ZCCHC17: variants seen among roughly 807,000 people sequenced by gnomAD.
ZCCHC17 encodes zinc finger CCHC-type containing 17.
Under a neutral mutation model 30.6 loss-of-function variants are expected in ZCCHC17, and 18 were observed. That is an observed-to-expected ratio of 0.59 (90% CI 0.41 to 0.87). The LOEUF (loss-of-function observed/expected upper bound fraction) is 0.87. Ranked by LOEUF, ZCCHC17 falls within the 40% of genes least tolerant of loss-of-function variation. The pLI, the probability that ZCCHC17 is intolerant of heterozygous loss-of-function variation, is 0.00. For missense variants in ZCCHC17, 263 were observed against 284.2 expected (o/e 0.93, Z 0.54); for synonymous variants, 88 against 92.4 (o/e 0.95, Z 0.27).
chr1:31,355,782 GT>G (rs932675804), intron 7 of ZCCHC17, among the ~76,000 whole-genome samples: 4 of 152,146 alleles, frequency 2.6e-5, no homozygotes, highest in Admixed American at 6.5e-5. Context: ...ATCATGTGAT[GT>G]TATCTATTGA....
Position 31,364,666 on chromosome 1 carries a change from G to A in ZCCHC17, c.*473G>A, listed in dbSNP as rs776012243. The A allele has an allele frequency of 3.1e-4, 48 of 156,274 alleles. No individual in the cohort carries two copies. Among genetic ancestry groups the A allele is most frequent in the Non-Finnish European group, 5.8e-4 (41 of 70,246 alleles). 9.7% of individuals were successfully genotyped at this position (156,274 alleles called of 1,614,324 possible). ...ACATGGGAGCAGAGACTGGCAGCAGGAGGGGGGAACATGGTGAGAAGTGGT... is the reference window on the plus strand; with the variant it reads ...ACATGGGAGCAGAGACTGGCAGCAGAAGGGGGGAACATGGTGAGAAGTGGT... On this transcript the variant is annotated 3_prime_UTR_variant, in exon 8 of 8. Coordinates refer to ENST00000344147, the MANE Select transcript of ZCCHC17 (RefSeq NM_016505.4).
intron 1 of ZCCHC17, among the ~76,000 whole-genome samples, chr1:31,308,974 C>G (rs915261899): frequency 6.6e-6 from 1 of 152,142 alleles, no homozygotes; most frequent in African/African-American, 2.4e-5. Flanking sequence ...AAAACCACTT[C>G]TACATATAAA....
chr1:31,348,108 A>T (rs1639341122), intron 6 of ZCCHC17, among the ~76,000 whole-genome samples: 1 of 152,170 alleles, frequency 6.6e-6, no homozygotes, highest in South Asian at 2.1e-4. Context: ...AAGAATAATG[A>T]GAGGTGGAAT....
Position 31,339,031 on chromosome 1 carries a change from C to A in ZCCHC17, c.300C>A (p.Pro100=). The A allele has an allele frequency of 6.2e-7, 1 of 1,609,682 alleles. No individual in the cohort carries two copies. The highest frequency in any genetic ancestry group is 1.1e-5 in the South Asian group (1 of 89,972). Residue 100 remains proline, a synonymous_variant, in exon 5 of 8, where the codon CCC becomes CCA. Transcript: ENST00000344147. ...AAGGGACTGGGAAAGACCTTGATCC[C>A]AACAATGTTATCATTGAGTAAGTAA... is the stretch of plus-strand genomic sequence containing the variant. The part of the protein sequence containing the change: ...VNQGTGKDLD[P]NNVIIEQEER...
rs556575001 is a variant in ZCCHC17 at position 31,324,986 on chromosome 1, A to T, written c.124+5820A>T. Among the ~76,000 whole-genome samples the T allele has an allele frequency of 1.4e-3, 209 of 152,226 alleles. 1 individual carries two copies. Among genetic ancestry groups the T allele is most frequent in the African/African-American group, 4.0e-3 (165 of 41,546 alleles). ...GTGCTTTTCCTGGGCCTGCCCATGG[A>T]CCAGTCAGCACACACTTCTGAAGAC... On this transcript the variant is annotated intron_variant, in intron 3 of 7. Coordinates refer to ENST00000344147, the MANE Select transcript of ZCCHC17 (RefSeq NM_016505.4).
intron 5 of ZCCHC17, among the ~76,000 whole-genome samples, chr1:31,346,238 A>G (rs946721098): frequency 1.3e-5 from 2 of 152,162 alleles, no homozygotes; most frequent in African/African-American, 4.8e-5. Context: ...GCCAGAGCAT[A>G]TTGTGTGAGT....
Position 31,337,255 on chromosome 1 carries a change from G to A in ZCCHC17, c.205G>A (p.Val69Met). ...AGTAGATGTTGGAGATAAAGTGTGG[G>A]TGAAGCTTATTGGCCGAGAGGTAAA... is the stretch of plus-strand genomic sequence containing the variant. ...EIVDVGDKVW[V>M]KLIGREMKND... Residue 69 changes from valine (V) to methionine (M), a missense_variant, in exon 4 of 8, where the codon GTG (valine) becomes ATG (methionine). Coordinates refer to ENST00000344147, the MANE Select transcript of ZCCHC17 (RefSeq NM_016505.4). 1 of 1,614,100 alleles carries A rather than the reference G, an allele frequency of 6.2e-7. No individual in the cohort carries two copies.
chr1:31,337,587 A>G (rs942164127), intron 4 of ZCCHC17, among the ~76,000 whole-genome samples: 1 of 152,250 alleles, frequency 6.6e-6, no homozygotes, highest in Non-Finnish European at 1.5e-5. Context: ...AAGTTGACCT[A>G]TGGGACAAGT....
intron 5 of ZCCHC17, among the ~76,000 whole-genome samples, chr1:31,344,898 T>C (rs896682265): frequency 6.4e-5 from 8 of 124,546 alleles, no homozygotes; most frequent in Admixed American, 1.7e-4. Flanking sequence ...TCTTGCTCTG[T>C]CACCCAGGCT....
intron 1 of ZCCHC17, among the ~76,000 whole-genome samples, chr1:31,309,630 C>T (rs978029526): frequency 5.3e-5 from 8 of 152,084 alleles, no homozygotes; most frequent in Admixed American, 1.3e-4. Flanking sequence ...GAGAATTAAA[C>T]GAGATTGCAT....
chr1:31,350,794 G>A (rs1280754784), intron 7 of ZCCHC17, among the ~76,000 whole-genome samples: 1 of 152,024 alleles, frequency 6.6e-6, no homozygotes, highest in Non-Finnish European at 1.5e-5. Flanking sequence ...TAGAGACAGG[G>A]TTTCACCATG....
intron 6 of ZCCHC17, among the ~76,000 whole-genome samples, chr1:31,347,483 G>T (rs962999059): frequency 3.3e-5 from 5 of 152,078 alleles, no homozygotes; most frequent in Non-Finnish European, 5.9e-5. Flanking sequence ...GAGGGGAGAA[G>T]GAAAAAATAA....
chr1:31,308,557 G>T (rs987358382), intron 1 of ZCCHC17, among the ~76,000 whole-genome samples: 4 of 152,204 alleles, frequency 2.6e-5, no homozygotes, highest in African/African-American at 9.7e-5. Context: ...GGTCTTACTG[G>T]TGTCAAATGT....
intron 5 of ZCCHC17, among the ~76,000 whole-genome samples, chr1:31,341,586 A>G (rs941912166): frequency 7.2e-5 from 11 of 152,220 alleles, no homozygotes; most frequent in African/African-American, 2.7e-4. Flanking sequence ...TTTGTTGTAA[A>G]TTATGTCTAT....
chr1:31,303,764 T>C (rs1245705046), intron 1 of ZCCHC17, among the ~76,000 whole-genome samples: 1 of 152,212 alleles, frequency 6.6e-6, no homozygotes, highest in African/African-American at 2.4e-5. Context: ...GAAAACTTTT[T>C]TTCCTACAAA....
Position 31,334,335 on chromosome 1 carries a change from CTCTGTGTGTG to C in ZCCHC17, c.125-2838_125-2829del, listed in dbSNP as rs1286499252. ...TCTCTCTCTCTCTCTCTCTCTCTCT[CTCTGTGTGTG>C]TGTGTGTGTGTGTGTGTGTGTGTGT... On this transcript the variant is annotated intron_variant, in intron 3 of 7. Coordinates refer to ENST00000344147, the MANE Select transcript of ZCCHC17 (RefSeq NM_016505.4). Among the ~76,000 whole-genome samples, 502 of 56,672 alleles carry C rather than the reference CTCTGTGTGTG, an allele frequency of 8.9e-3. 4 individuals carry two copies. The highest frequency in any genetic ancestry group is 0.069 in the East Asian group (85 of 1,234). The allele number at this position is 56,672 out of a possible 152,430, so 37.2% of individuals were successfully genotyped here. A position where few individuals can be genotyped will look rare whatever the true frequency, so the allele number is the denominator to read the frequency against.
intron 7 of ZCCHC17, among the ~76,000 whole-genome samples, chr1:31,352,613 G>A (rs1315573250): frequency 2.6e-5 from 4 of 152,098 alleles, no homozygotes; most frequent in Non-Finnish European, 4.4e-5. Context: ...ACCACACCCA[G>A]CTAATTTAGT....
intron 3 of ZCCHC17, among the ~76,000 whole-genome samples, chr1:31,319,473 G>A (rs1005581844): frequency 6.6e-6 from 1 of 152,126 alleles, no homozygotes; most frequent in African/African-American, 2.4e-5. Context: ...TTTGCGGGAG[G>A]GCAAGCTACC....
intron 3 of ZCCHC17, among the ~76,000 whole-genome samples, chr1:31,324,947 A>G (rs1162001574): frequency 6.6e-6 from 1 of 152,166 alleles, no homozygotes; most frequent in East Asian, 1.9e-4. Context: ...TGTGGCCCAG[A>G]GTGAGAACTT....
Sources: allele counts gnomAD v4.1 joint callset (sites outside exome capture counted in the v4.1 genomes callset), GRCh38; gene constraint gnomAD v4.1.1; transcripts MANE v1.5; gene names NCBI Gene and HGNC (gene_info 2026-07-23, HGNC 2026-07-21).